Variants in MYH15 observed in about 807,000 individuals in gnomAD.
MYH15 encodes the protein myosin-15.
In MYH15, 227 loss-of-function variants were observed where a neutral mutation model predicts 240.5. The ratio of observed to expected loss-of-function variants is 0.94; its 90% CI spans 0.85 to 1.05. The LOEUF is 1.05. MYH15 is among the 50% of genes least tolerant of loss of function. The pLI, the probability that MYH15 is intolerant of heterozygous loss-of-function variation, is 0.00. For missense variants in MYH15, 2,217 were observed against 2,247.5 expected, an observed-to-expected ratio of 0.99 and a Z score of 0.27; for synonymous variants, 785 against 796.7, an observed-to-expected ratio of 0.99 and a Z score of 0.25.
At chr3:108,549,023 G>A in the MYH15 span, among the ~76,000 whole-genome samples, 1 of 151,984 alleles carries the variant, frequency 6.6e-6, no homozygotes, top group East Asian at 1.9e-4. Context: ...TATGAGATGT[G>A]TCTATTTGTT....
At chr3:108,508,674 T>C (rs2083497825) in intron 1 of MYH15, among the ~76,000 whole-genome samples, 1 of 152,250 alleles carries the variant, frequency 6.6e-6, no homozygotes, top group African/African-American at 2.4e-5. Flanking sequence ...TGTTATGTAT[T>C]GAAGCATTTC....
At chr3:108,445,833 C>T (rs1030086914) in intron 21 of MYH15, among the ~76,000 whole-genome samples, 6 of 106,094 alleles carry the variant, frequency 5.7e-5, no homozygotes, top group Admixed American at 2.0e-4. Context: ...GACAAAAGGA[C>T]ACACAGATTT....
At chr3:108,550,584 C>T in the MYH15 span, 1 of 151,350 alleles carries the variant, frequency 6.6e-6, no homozygotes, top group Non-Finnish European at 1.5e-5. Flanking sequence ...ATTACCATTG[C>T]ATTTTTTTCA....
intron 28 of MYH15, among the ~76,000 whole-genome samples, chr3:108,420,738 T>A (rs928273619): frequency 2.0e-5 from 3 of 152,194 alleles, no homozygotes; most frequent in African/African-American, 4.8e-5. Flanking sequence ...TTAAAAATTT[T>A]AAAAAATTTA....
intron 15 of MYH15, among the ~76,000 whole-genome samples, chr3:108,464,053 C>T (rs1291295472): frequency 6.6e-6 from 1 of 151,974 alleles, no homozygotes; most frequent in East Asian, 1.9e-4. Flanking sequence ...ATAAACATAT[C>T]TGTGTACAGC....
At chr3:108,511,604 C>T (rs906836572), upstream of MYH15, among the ~76,000 whole-genome samples, 2 of 152,118 alleles carry the variant, frequency 1.3e-5, no homozygotes, top group Non-Finnish European at 2.9e-5. Context: ...AAATGAGAAG[C>T]TATTCTCTCT....
chr3:108,495,680 T>G, intron 7 of MYH15, 100 bp downstream of exon 7: 1 of 719,960 alleles, frequency 1.4e-6, no homozygotes, highest in Admixed American at 3.0e-5. Context: ...AGACCTTCTT[T>G]GGTGTTCTAT....
intron 1 of MYH15, among the ~76,000 whole-genome samples, chr3:108,522,371 A>C (rs1188018084): frequency 1.3e-5 from 2 of 152,106 alleles, no homozygotes; most frequent in African/African-American, 4.8e-5. Context: ...TTATAACCCC[A>C]GAAATGTGAG....
At chr3:108,415,184 A>G (rs964897084) in intron 29 of MYH15, among the ~76,000 whole-genome samples, 1 of 152,172 alleles carries the variant, frequency 6.6e-6, no homozygotes, top group Non-Finnish European at 1.5e-5. Flanking sequence ...ACCTAGCAGC[A>G]TTATTCCCCA....
the MYH15 span, among the ~76,000 whole-genome samples, chr3:108,541,500 A>C: frequency 6.6e-6 from 1 of 152,068 alleles, no homozygotes; most frequent in Admixed American, 6.5e-5. Flanking sequence ...AACCCACAGG[A>C]GAAATTGGAA....
Position 108,410,640 on chromosome 3 carries a change from A to C in MYH15, c.4438T>G (p.Tyr1480Asp), listed in dbSNP as rs2082583401. The change falls in exon 31 of 41, where the codon TAT (tyrosine) becomes GAT (aspartate). Residue 1480 changes from tyrosine (Y) to aspartate (D), a missense_variant. By Grantham distance (160) the Tyr-to-Asp change is radical. Transcript: ENST00000693548. ...TCCTGGCCCACGATGCTCTCCTCAT[A>C]GGTGTTCTTGAGCTTGAGGAGCTCT... is the stretch of plus-strand genomic sequence containing the variant. ...STELLKLKNT[Y>D]EESIVGQETL... 1 of 1,613,704 alleles carries C rather than the reference A, an allele frequency of 6.2e-7. No homozygotes were observed. Among genetic ancestry groups the C allele is most frequent in the Non-Finnish European group, 8.5e-7 (1 of 1,179,856 alleles).
In MYH15 at chr3:108,509,668, A is replaced by G. The variant is rs117173998; in HGVS notation, c.88+775T>C. Among the ~76,000 whole-genome samples, 205 of 152,354 alleles carry G rather than the reference A, an allele frequency of 1.3e-3. 6 individuals carry two copies. In the East Asian group the frequency reaches 0.038, roughly 28 times the overall value. ...TGCACTGCTGAATAATTTTGGATTA[A>G]GACATGTAGGTAGCTTCATGTTATA... On this transcript the variant is annotated intron_variant, in intron 1 of 40. Transcript: ENST00000693548.
At chr3:108,480,682 G>A (rs1003931566) in intron 11 of MYH15, among the ~76,000 whole-genome samples, 4 of 152,190 alleles carry the variant, frequency 2.6e-5, no homozygotes, top group African/African-American at 7.2e-5. Context: ...GAGGTTTCCA[G>A]TCTGAGAAGT....
chr3:108,396,060 T>C (rs1162314503), intron 35 of MYH15, among the ~76,000 whole-genome samples: 1 of 152,196 alleles, frequency 6.6e-6, no homozygotes, highest in African/African-American at 2.4e-5. Flanking sequence ...TTCTTATATG[T>C]ACACATCAAG....
chr3:108,430,749 T>C (rs978238286), intron 26 of MYH15, 83 bp downstream of exon 26: 9 of 1,083,204 alleles, frequency 8.3e-6, no homozygotes, highest in Non-Finnish European at 1.1e-5. Flanking sequence ...ATGAATACCT[T>C]GGCAGAGAAT....
In MYH15 at chr3:108,464,641, T is replaced by TC; in HGVS notation, c.1727dup (p.Val577SerfsTer5). ...CGGGGGTCCAGAGGTAACTCACCAC[T>TC]CCTGCATAATGGACAAGTTCAAAAT... On this transcript the variant is annotated frameshift_variant, in exon 15 of 41. Coordinates refer to ENST00000693548, the MANE Select transcript of MYH15 (RefSeq NM_014981.3). LOFTEE classifies it high-confidence loss of function. 1 of 1,611,130 alleles carries TC rather than the reference T, an allele frequency of 6.2e-7. No individual in the cohort carries two copies. Among genetic ancestry groups the TC allele is most frequent in the Non-Finnish European group, 8.5e-7 (1 of 1,178,780 alleles).
At chr3:108,536,122 G>A in the MYH15 span, among the ~76,000 whole-genome samples, 8 of 152,198 alleles carry the variant, frequency 5.3e-5, no homozygotes, top group African/African-American at 1.7e-4. Flanking sequence ...AAAACTAGCC[G>A]GGGGTGGTGG....
rs754859569 is a variant in MYH15 at position 108,444,779 on chromosome 3, TCTC to T, written c.2513_2515del (p.Gly838del). 6.2e-7 allele frequency: 1 copy of T among 1,614,030 alleles called. No homozygotes were observed. The highest frequency in any genetic ancestry group is 1.1e-5 in the South Asian group (1 of 91,084). The stretch of plus-strand genomic sequence containing the variant: ...CTCTTCCTTCAGTCCAGCTACTTCT[TCTC>T]CTACTTCTGAAGATTTAACAAGAGG... On this transcript the variant is annotated inframe_deletion, in exon 22 of 41. Transcript: ENST00000693548.
intron 21 of MYH15, among the ~76,000 whole-genome samples, chr3:108,448,271 T>C (rs972912329): frequency 1.3e-5 from 2 of 152,046 alleles, no homozygotes; most frequent in African/African-American, 2.4e-5. Context: ...ATAATTACTT[T>C]AAATATAAAT....
Sources: gnomAD v4.1 joint callset for allele counts (sites outside exome capture counted in the v4.1 genomes callset) on GRCh38, gnomAD v4.1.1 for gene constraint, MANE v1.5 for transcripts, NCBI Gene and HGNC (gene_info 2026-07-23, HGNC 2026-07-21) for gene names.